CBLN2: variants seen among roughly 807,000 people sequenced by gnomAD.
CBLN2 encodes cerebellin 2 precursor.
Under a neutral mutation model 15.0 loss-of-function variants are expected in CBLN2, and 7 were observed. The observed-to-expected ratio is 0.47, with a 90% CI of 0.27 to 0.88. CBLN2 has a LOEUF of 0.88. CBLN2 is among the 40% of genes least tolerant of loss of function. CBLN2 has a pLI of 0.14. For synonymous variants in CBLN2, 149 were observed against 135.2 expected (o/e 1.10, Z -0.71); for missense variants, 242 against 304.5 (o/e 0.79, Z 1.53).
chr18:72,604,954 C>T (rs1474178753), intron 1 of CBLN2, among the ~76,000 whole-genome samples: 1 of 152,172 alleles, frequency 6.6e-6, no homozygotes, highest in East Asian at 1.9e-4. Flanking sequence ...GTAATTATAA[C>T]CCAAGTATAA....
intron 1 of CBLN2, among the ~76,000 whole-genome samples, chr18:72,566,571 G>A (rs988640764): frequency 4.6e-5 from 7 of 152,114 alleles, no homozygotes; most frequent in African/African-American, 1.2e-4. Flanking sequence ...CAAATACTGC[G>A]TGTTGTCACT....
intron 1 of CBLN2, among the ~76,000 whole-genome samples, chr18:72,582,575 C>T (rs1049166601): frequency 6.6e-6 from 1 of 152,160 alleles, no homozygotes; most frequent in Non-Finnish European, 1.5e-5. Context: ...GGAGAGAATG[C>T]ATGAGTTGTG....
chr18:72,584,047 C>T (rs1423428422), intron 1 of CBLN2, among the ~76,000 whole-genome samples: 3 of 152,186 alleles, frequency 2.0e-5, no homozygotes, highest in South Asian at 2.1e-4. Context: ...CCTCTTTCCT[C>T]GCTCAGTTTT....
chr18:72,546,514 A>C (rs2069159580), upstream of CBLN2, among the ~76,000 whole-genome samples: 1 of 152,166 alleles, frequency 6.6e-6, no homozygotes, highest in Non-Finnish European at 1.5e-5. Context: ...ATTTTTTAAG[A>C]AAATGTCTAA....
chr18:72,551,834 C>T (rs188827275), intron 1 of CBLN2, among the ~76,000 whole-genome samples: 218 of 152,258 alleles, frequency 1.4e-3, no homozygotes, highest in African/African-American at 4.9e-3. Context: ...ATTGTCCTTA[C>T]CTTCTTGACT....
At chr18:72,559,031 G>C (rs1206666768) in intron 1 of CBLN2, among the ~76,000 whole-genome samples, 5 of 152,172 alleles carry the variant, frequency 3.3e-5, no homozygotes, top group Non-Finnish European at 7.3e-5. Flanking sequence ...CTCCAGCCTG[G>C]GCAATGGGAG....
chr18:72,581,021 GT>G (rs2069399582), intron 1 of CBLN2, among the ~76,000 whole-genome samples: 1 of 152,116 alleles, frequency 6.6e-6, no homozygotes, highest in Non-Finnish European at 1.5e-5. Flanking sequence ...CACGTTTTAT[GT>G]TTAAGTCCTT....
At chr18:72,594,250 C>T (rs2069498845) in intron 1 of CBLN2, among the ~76,000 whole-genome samples, 1 of 152,074 alleles carries the variant, frequency 6.6e-6, no homozygotes, top group African/African-American at 2.4e-5. Context: ...CCTGCACATT[C>T]TGCACATGTA....
At chr18:72,623,718 A>G (rs532843871) in intron 1 of CBLN2, among the ~76,000 whole-genome samples, 1 of 152,242 alleles carries the variant, frequency 6.6e-6, no homozygotes, top group Admixed American at 6.5e-5. Flanking sequence ...ATGCCCTCAT[A>G]TGAGAGGGGA....
intron 1 of CBLN2, among the ~76,000 whole-genome samples, chr18:72,572,999 A>G (rs568134389): frequency 2.0e-5 from 3 of 152,308 alleles, no homozygotes; most frequent in African/African-American, 7.2e-5. Flanking sequence ...TTTCTCTAAA[A>G]GGTAGTTCAA....
chr18:72,557,983 T>C (rs1835765), intron 1 of CBLN2, among the ~76,000 whole-genome samples: 113,451 of 151,934 alleles, frequency 0.75, 46,981 homozygotes, highest in Non-Finnish European at 0.91. Context: ...GCTGGATGGG[T>C]TTTTCCAGCA....
At chr18:72,636,456 T>A (rs1289226384) in intron 1 of CBLN2, among the ~76,000 whole-genome samples, 2 of 152,180 alleles carry the variant, frequency 1.3e-5, no homozygotes, top group Admixed American at 6.5e-5. Context: ...TTTCCCTGCA[T>A]GAAAAGCATC....
At chr18:72,539,454 T>G (rs1032521087) in intron 3 of CBLN2, 9 of 152,418 alleles carry the variant, frequency 5.9e-5, no homozygotes, top group African/African-American at 2.2e-4. Flanking sequence ...TGTTTTTCCT[T>G]AATTTTCCCT....
At chr18:72,619,902 C>T (rs780623277) in intron 1 of CBLN2, among the ~76,000 whole-genome samples, 2 of 152,198 alleles carry the variant, frequency 1.3e-5, no homozygotes, top group African/African-American at 4.8e-5. Context: ...TGGGAGGCAG[C>T]GTGCAAGCAA....
chr18:72,633,396 G>A (rs956721853), intron 1 of CBLN2, among the ~76,000 whole-genome samples: 1 of 152,102 alleles, frequency 6.6e-6, no homozygotes, highest in African/African-American at 2.4e-5. Context: ...CCAAGACACG[G>A]CTACATTTGT....
upstream of CBLN2, among the ~76,000 whole-genome samples, chr18:72,545,520 G>A (rs1345792480): frequency 6.6e-6 from 1 of 152,216 alleles, no homozygotes; most frequent in East Asian, 1.9e-4. Context: ...ATCCACCACA[G>A]TTTGCCATGT....
chr18:72,551,238 T>TTA (rs1435196435), intron 1 of CBLN2, among the ~76,000 whole-genome samples: 1 of 152,188 alleles, frequency 6.6e-6, no homozygotes, highest in East Asian at 1.9e-4. Context: ...GGTAAAATGT[T>TTA]TATATATATA....
chr18:72,581,147 T>G (rs1457476896), intron 1 of CBLN2, among the ~76,000 whole-genome samples: 2 of 152,220 alleles, frequency 1.3e-5, no homozygotes, highest in Admixed American at 1.3e-4. Context: ...TCCTCAGATA[T>G]CTCTCCTCTA....
chr18:72,554,159 C>T (rs954468891), intron 1 of CBLN2, among the ~76,000 whole-genome samples: 3 of 151,848 alleles, frequency 2.0e-5, no homozygotes, highest in African/African-American at 7.3e-5. Flanking sequence ...TAAGATTATT[C>T]TTATTTGCTG....
Sources: allele counts gnomAD v4.1 joint callset (sites outside exome capture counted in the v4.1 genomes callset), GRCh38; gene constraint gnomAD v4.1.1; transcripts MANE v1.5; gene names NCBI Gene and HGNC (gene_info 2026-07-23, HGNC 2026-07-21).